Variants in SND1 observed in about 807,000 individuals in gnomAD.
SND1 encodes staphylococcal nuclease domain-containing protein 1.
SND1 carries 38 observed loss-of-function variants against 121.7 expected under a neutral mutation model. The observed-to-expected ratio is 0.31, with a 90% CI of 0.24 to 0.41. The LOEUF (loss-of-function observed/expected upper bound fraction) is 0.41. SND1 is among the 10% of genes least tolerant of loss of function. The pLI is 1.00. For synonymous variants in SND1, 401 were observed against 447.4 expected (o/e 0.90, Z 1.31); for missense variants, 868 against 1,184.6 (o/e 0.73, Z 3.92).
chr7:127,992,132 G>A (rs538315916), intron 16 of SND1, among the ~76,000 whole-genome samples: 2 of 152,154 alleles, frequency 1.3e-5, no homozygotes, highest in Non-Finnish European at 2.9e-5. Context: ...CTGCTTTGTT[G>A]GCTATCTGTA....
chr7:128,004,403 T>C (rs932753676), intron 16 of SND1, among the ~76,000 whole-genome samples: 8 of 152,186 alleles, frequency 5.3e-5, no homozygotes, highest in Non-Finnish European at 8.8e-5. Context: ...CAGAACATTT[T>C]TTTCTGTCAC....
chr7:127,824,241 T>C (rs1196701145), intron 11 of SND1, among the ~76,000 whole-genome samples: 1 of 152,268 alleles, frequency 6.6e-6, no homozygotes, highest in Non-Finnish European at 1.5e-5. Context: ...AATCTGATTT[T>C]ATATACATCC....
At chr7:127,704,754 T>C in intron 7 of SND1, 85 bp from the exon 8 acceptor site, 2 of 1,115,102 alleles carry the variant, frequency 1.8e-6, no homozygotes, top group South Asian at 2.6e-5. Flanking sequence ...TGTGACTGTG[T>C]TAATTGTGTC....
At chr7:127,953,905 GCATT>G (rs1299643331) in intron 15 of SND1, among the ~76,000 whole-genome samples, 2 of 152,214 alleles carry the variant, frequency 1.3e-5, no homozygotes, top group East Asian at 3.8e-4. Flanking sequence ...TGAAATTTCA[GCATT>G]CAGTGTAGCT....
chr7:127,725,548 T>C (rs1484246632), intron 10 of SND1, among the ~76,000 whole-genome samples: 1 of 151,352 alleles, frequency 6.6e-6, no homozygotes, highest in Non-Finnish European at 1.5e-5. Flanking sequence ...AATTGAGGAG[T>C]GGTTTTGTAG....
chr7:127,937,035 CA>C (rs1414448354), intron 15 of SND1, among the ~76,000 whole-genome samples: 63 of 151,302 alleles, frequency 4.2e-4, no homozygotes, highest in Admixed American at 6.6e-5. Flanking sequence ...GCCTGTAAAC[CA>C]AATACTTTTC....
intron 12 of SND1, among the ~76,000 whole-genome samples, chr7:127,851,756 A>G (rs1323654951): frequency 1.3e-5 from 2 of 152,192 alleles, no homozygotes; most frequent in African/African-American, 4.8e-5. Flanking sequence ...TTCAGCATTT[A>G]TATTTAAATT....
At chr7:127,944,763 A>T (rs535251184) in intron 15 of SND1, among the ~76,000 whole-genome samples, 2 of 152,310 alleles carry the variant, frequency 1.3e-5, no homozygotes, top group South Asian at 4.1e-4. Context: ...GGGAGGTAAG[A>T]CCAAGACCAG....
chr7:127,736,112 A>G (rs1272820604), intron 10 of SND1, among the ~76,000 whole-genome samples: 11 of 152,164 alleles, frequency 7.2e-5, no homozygotes. Flanking sequence ...TAAATAGTTC[A>G]TTGTCAATTT....
chr7:127,865,963 A>G (rs766232616), intron 12 of SND1, among the ~76,000 whole-genome samples: 10 of 142,900 alleles, frequency 7.0e-5, no homozygotes, highest in Non-Finnish European at 1.5e-4. Flanking sequence ...CATTTGTATC[A>G]TCTTACTCTC....
intron 10 of SND1, among the ~76,000 whole-genome samples, chr7:127,762,423 A>C (rs921609204): frequency 6.6e-6 from 1 of 151,940 alleles, no homozygotes; most frequent in African/African-American, 2.4e-5. Flanking sequence ...CTGCACATGT[A>C]CCCCCTACGT....
intron 11 of SND1, among the ~76,000 whole-genome samples, chr7:127,832,727 C>T (rs1224817854): frequency 2.0e-5 from 3 of 152,186 alleles, no homozygotes; most frequent in Non-Finnish European, 1.5e-5. Context: ...GCAAGGGTCC[C>T]CAAGCCCCGG....
At chr7:127,712,851 A>T (rs1039370565) in intron 9 of SND1, among the ~76,000 whole-genome samples, 3 of 152,220 alleles carry the variant, frequency 2.0e-5, no homozygotes, top group Non-Finnish European at 4.4e-5. Context: ...GTAATATTTC[A>T]TTGTAGGCTG....
chr7:128,064,676 A>G lies in SND1; in HGVS notation c.1780-9826A>G, dbSNP rs566597502. 3.3e-5 allele frequency among the ~76,000 whole-genome samples: 5 copies of G among 152,298 alleles called. No homozygotes were observed. The South Asian group carries it at 1.0e-3, about 32-fold the overall frequency. On this transcript the variant is annotated intron_variant, in intron 16 of 23. Transcript: ENST00000354725. ...CTAGAGGCGAAAGTTGAGTTCTATA[A>G]TTCAGAGAGCAGTGGGATGCAGGGA...
At chr7:127,811,222 G>A (rs954072133) in intron 11 of SND1, among the ~76,000 whole-genome samples, 1 of 152,158 alleles carries the variant, frequency 6.6e-6, no homozygotes, top group Non-Finnish European at 1.5e-5. Flanking sequence ...CTTGATCAGT[G>A]CAGACATTTG....
At chr7:127,756,429 G>A (rs1797196631) in intron 10 of SND1, among the ~76,000 whole-genome samples, 1 of 152,242 alleles carries the variant, frequency 6.6e-6, no homozygotes. Flanking sequence ...CTGTAAGTGT[G>A]TTTTGTGTAA....
intron 14 of SND1, among the ~76,000 whole-genome samples, chr7:127,917,545 C>T (rs1800609729): frequency 6.6e-6 from 1 of 152,142 alleles, no homozygotes; most frequent in Non-Finnish European, 1.5e-5. Flanking sequence ...TGACTTCAGG[C>T]ACACTACCAC....
intron 11 of SND1, among the ~76,000 whole-genome samples, chr7:127,818,705 T>C (rs1798492826): frequency 6.6e-6 from 1 of 152,194 alleles, no homozygotes; most frequent in East Asian, 1.9e-4. Context: ...CTAGTAGAAT[T>C]TGATGCACAG....
At chr7:128,030,589 G>C in intron 16 of SND1, 1 of 1,599,558 alleles carries the variant, frequency 6.3e-7, no homozygotes, top group Non-Finnish European at 8.5e-7. Context: ...AACGGGAGCA[G>C]GATGGCATTC....
Sources: allele counts gnomAD v4.1 joint callset (sites outside exome capture counted in the v4.1 genomes callset), GRCh38; gene constraint gnomAD v4.1.1; transcripts MANE v1.5; gene names NCBI Gene and HGNC (gene_info 2026-07-23, HGNC 2026-07-21).